The following CSGALNACT1 variants were observed in gnomAD, a reference collection of about 807,000 sequenced individuals.
CSGALNACT1 encodes the protein chondroitin sulfate N-acetylgalactosaminyltransferase 1, also known as beta4GalNAcT-1.
CSGALNACT1 carries 52 observed loss-of-function variants against 51.0 expected under a neutral mutation model. The ratio of observed to expected loss-of-function variants is 1.02; its 90% CI spans 0.82 to 1.29. The LOEUF is 1.29. CSGALNACT1 is among the 50% of genes most tolerant of loss of function. The pLI, the probability that CSGALNACT1 is intolerant of heterozygous loss-of-function variation, is 0.00. For synonymous variants in CSGALNACT1, 341 were observed against 254.4 expected, an observed-to-expected ratio of 1.34 and a Z score of -3.24; for missense variants, 935 against 679.2, an observed-to-expected ratio of 1.38 and a Z score of -4.19.
upstream of CSGALNACT1, among the ~76,000 whole-genome samples, chr8:19,605,823 C>G (rs2051295004): frequency 6.6e-6 from 1 of 152,118 alleles, no homozygotes; most frequent in Non-Finnish European, 1.5e-5. Context: ...AAGAAGCCTA[C>G]CAAAAATCAT....
chr8:19,710,791 A>G (rs1401458691), intron 1 of CSGALNACT1, among the ~76,000 whole-genome samples: 1 of 152,198 alleles, frequency 6.6e-6, no homozygotes. Context: ...TCCTGAAATC[A>G]TCATAAGCAT....
intron 3 of CSGALNACT1, among the ~76,000 whole-genome samples, chr8:19,551,577 G>A (rs141824816): frequency 8.1e-4 from 124 of 152,280 alleles, no homozygotes; most frequent in African/African-American, 2.7e-3. Flanking sequence ...TTCCTATTGC[G>A]TGCAAGCAAA....
rs765568065 is a variant in CSGALNACT1 at position 19,620,138 on chromosome 8, C to A, written c.-543-18273G>T. ...GACCAACCTGGCCAATGTGGGGAAA[C>A]CCCGTCTCTACTAAAAATACAAAAA... is the stretch of plus-strand genomic sequence containing the variant. On this transcript the variant is annotated intron_variant, in intron 1 of 9. Transcript: ENST00000332246. Among the ~76,000 whole-genome samples the A allele has an allele frequency of 5.3e-5, 8 of 151,830 alleles. No homozygotes were observed. The East Asian group carries it at 9.7e-4, about 18-fold the overall frequency.
chr8:19,644,954 C>T (rs1424735940), intron 1 of CSGALNACT1, among the ~76,000 whole-genome samples: 1 of 152,072 alleles, frequency 6.6e-6, no homozygotes, highest in Non-Finnish European at 1.5e-5. Context: ...GTGTAAATAG[C>T]AGGAGCCTCT....
intron 1 of CSGALNACT1, among the ~76,000 whole-genome samples, chr8:19,614,247 T>A (rs936938451): frequency 3.9e-5 from 6 of 152,170 alleles, no homozygotes; most frequent in Non-Finnish European, 7.3e-5. Context: ...AAATCTTACT[T>A]TTACTAAAAA....
At chr8:19,649,844 A>AAAAAAAAAAAAAAAAC (rs2057639342) in intron 1 of CSGALNACT1, among the ~76,000 whole-genome samples, 2 of 141,924 alleles carry the variant, frequency 1.4e-5, no homozygotes, top group Non-Finnish European at 3.1e-5. Flanking sequence ...AAAAAAAAAA[A>AAAAAAAAAAAAAAAAC]ACCACGGGGG....
chr8:19,520,864 T>C (rs779879929), intron 3 of CSGALNACT1, among the ~76,000 whole-genome samples: 2 of 152,244 alleles, frequency 1.3e-5, no homozygotes, highest in African/African-American at 2.4e-5. Context: ...GTTATTAACA[T>C]GTCCAAATGC....
At chr8:19,607,665 G>A (rs1210505548) in intron 1 of CSGALNACT1, among the ~76,000 whole-genome samples, 1 of 152,228 alleles carries the variant, frequency 6.6e-6, no homozygotes, top group Non-Finnish European at 1.5e-5. Flanking sequence ...GTGTTTCAGG[G>A]ATATCAGCTG....
chr8:19,491,798 C>T (rs773643029), intron 4 of CSGALNACT1, among the ~76,000 whole-genome samples: 71 of 152,264 alleles, frequency 4.7e-4, no homozygotes, highest in Non-Finnish European at 7.6e-4. Context: ...AATTTGCAAA[C>T]GACACAACTG....
At chr8:19,483,216 C>T (rs1267510063) in intron 4 of CSGALNACT1, among the ~76,000 whole-genome samples, 3 of 152,198 alleles carry the variant, frequency 2.0e-5, no homozygotes, top group Non-Finnish European at 4.4e-5. Flanking sequence ...AATACATTCT[C>T]AACAGAGCAG....
In CSGALNACT1 at chr8:19,507,061, G is replaced by A. The variant is rs143069906; in HGVS notation, c.-296-931C>T. 3.4e-3 allele frequency among the ~76,000 whole-genome samples: 522 copies of A among 152,276 alleles called. 3 individuals are homozygous for A. The highest frequency in any genetic ancestry group is 0.012 in the African/African-American group (500 of 41,548). ...CTGAGCTTTCTGATCAGGAACTGGG[G>A]AAGCACCCAGAGGTTCAAATATACA... On this transcript the variant is annotated intron_variant, in intron 3 of 9. Coordinates refer to ENST00000454498, the Ensembl canonical transcript of CSGALNACT1.
At position 19,714,290 on chromosome 8, in the gene CSGALNACT1, T is replaced by C. The variant is rs1036311176; in HGVS notation, c.-297+43560A>G. 2.0e-5 allele frequency among the ~76,000 whole-genome samples: 3 copies of C among 152,100 alleles called. No homozygotes were observed. In the East Asian group the frequency reaches 5.8e-4, roughly 29 times the overall value. On this transcript the variant is annotated intron_variant, in intron 1 of 1. Coordinates refer to the CSGALNACT1 transcript ENST00000517494. ...CCTCTGGCTGAATTATAATTTTGTCTTTCTCTTTTGTTTACAACTGTTGGA... is the reference window on the plus strand; with the variant it reads ...CCTCTGGCTGAATTATAATTTTGTCCTTCTCTTTTGTTTACAACTGTTGGA...
intron 1 of CSGALNACT1, among the ~76,000 whole-genome samples, chr8:19,641,006 G>C (rs888572152): frequency 1.3e-5 from 2 of 151,850 alleles, no homozygotes; most frequent in African/African-American, 2.4e-5. Context: ...TGAGACTCAG[G>C]CTGCTTAAAC....
chr8:19,685,698 G>T (rs1025710699), upstream of CSGALNACT1, among the ~76,000 whole-genome samples: 9 of 152,084 alleles, frequency 5.9e-5, no homozygotes, highest in Non-Finnish European at 8.8e-5. Context: ...TGGAACGATG[G>T]TCCCTCCCTC....
intron 1 of CSGALNACT1, among the ~76,000 whole-genome samples, chr8:19,651,083 T>A (rs1333669694): frequency 6.6e-6 from 1 of 151,884 alleles, no homozygotes; most frequent in Non-Finnish European, 1.5e-5. Flanking sequence ...TGTATAGGGG[T>A]CAGAAAGCTT....
chr8:19,705,647 G>C (rs1486996192), intron 1 of CSGALNACT1, among the ~76,000 whole-genome samples: 1 of 152,104 alleles, frequency 6.6e-6, no homozygotes, highest in Non-Finnish European at 1.5e-5. Context: ...TGAGGTGGGA[G>C]GATTGCCTGA....
rs550364929 is a variant in CSGALNACT1, at chr8:19,667,527, C to T, written c.-544+14946G>A. On this transcript the variant is annotated intron_variant, in intron 1 of 9. Transcript: ENST00000332246. ...ATGACTTCTCACAACGGTAAGAGAA[C>T]AATGAACTGCAATGAGAGAGTCAGT... Among the ~76,000 whole-genome samples the T allele has an allele frequency of 7.6e-5, 10 of 132,038 alleles. No individual in the cohort carries two copies. The South Asian group carries it at 2.5e-3, about 34-fold the overall frequency. The allele number at this position is 132,038 out of a possible 152,430, so 86.6% of individuals were successfully genotyped here.
At chr8:19,446,298 T>G (rs1334912021) in intron 5 of CSGALNACT1, among the ~76,000 whole-genome samples, 1 of 152,200 alleles carries the variant, frequency 6.6e-6, no homozygotes, top group Non-Finnish European at 1.5e-5. Context: ...CTGGGTCCCT[T>G]GGGCTGACTT....
chr8:19,452,433 C>T (rs1490624610), intron 5 of CSGALNACT1, among the ~76,000 whole-genome samples: 6 of 125,606 alleles, frequency 4.8e-5, no homozygotes, highest in Admixed American at 1.6e-4. Context: ...AAAAAAAAAG[C>T]AGGGAAGGGG....
Sources: gnomAD v4.1 joint callset for allele counts (sites outside exome capture counted in the v4.1 genomes callset) on GRCh38, gnomAD v4.1.1 for gene constraint, MANE v1.5 for transcripts, NCBI Gene and HGNC (gene_info 2026-07-23, HGNC 2026-07-21) for gene names.